The following GRM7 variants were observed in gnomAD, a reference collection of about 807,000 sequenced individuals.
The protein encoded by GRM7 is metabotropic glutamate receptor 7.
Under a neutral mutation model 84.5 loss-of-function variants are expected in GRM7, and 35 were observed. That is an observed-to-expected ratio of 0.41 (90% CI 0.32 to 0.55). The LOEUF (loss-of-function observed/expected upper bound fraction) is 0.55, where lower values mean the gene tolerates loss of function less well. GRM7 is among the 20% of genes least tolerant of loss of function. The pLI is 0.19. For missense variants in GRM7, 1,003 were observed against 1,194.6 expected (o/e 0.84, Z 2.36); for synonymous variants, 487 against 455.1 (o/e 1.07, Z -0.89).
chr3:7,585,733 A>G (rs1248723385), intron 8 of GRM7, among the ~76,000 whole-genome samples: 4 of 152,138 alleles, frequency 2.6e-5, no homozygotes, highest in Non-Finnish European at 4.4e-5. Context: ...ACAGGGACCC[A>G]GGCCTCAAAC....
intron 7 of GRM7, among the ~76,000 whole-genome samples, chr3:7,538,094 C>G (rs1046621594): frequency 6.6e-6 from 1 of 152,012 alleles, no homozygotes; most frequent in Non-Finnish European, 1.5e-5. Flanking sequence ...TAGGTTGTTA[C>G]TGCATTTTAT....
chr3:7,385,729 T>A (rs1327992018), intron 4 of GRM7, among the ~76,000 whole-genome samples: 1 of 152,230 alleles, frequency 6.6e-6, no homozygotes, highest in Non-Finnish European at 1.5e-5. Context: ...TTGAGAATAC[T>A]CTTCCATGTG....
At chr3:7,104,178 G>T (rs1016302461) in intron 1 of GRM7, among the ~76,000 whole-genome samples, 3 of 151,408 alleles carry the variant, frequency 2.0e-5, no homozygotes, top group Non-Finnish European at 4.4e-5. Context: ...TTCATGTGAG[G>T]ACACACTAAG....
intron 9 of GRM7, among the ~76,000 whole-genome samples, chr3:7,708,672 G>C (rs1559499801): frequency 6.6e-6 from 1 of 152,098 alleles, no homozygotes; most frequent in Non-Finnish European, 1.5e-5. Flanking sequence ...GAAAGAGTTT[G>C]AAGGCAGTAG....
rs1411390090 is a variant in GRM7, at chr3:6,968,518, G to A, written c.519+106611G>A. Among the ~76,000 whole-genome samples the A allele has an allele frequency of 2.6e-5, 4 of 152,256 alleles. No homozygotes were observed. The East Asian group carries it at 7.7e-4, about 29-fold the overall frequency. On this transcript the variant is annotated intron_variant, in intron 1 of 9. Coordinates refer to ENST00000357716, the MANE Select transcript of GRM7 (RefSeq NM_000844.4). Reference sequence around the variant, plus strand: ...ATAATCGCACTTCTTTCATTTTATTGAGAGAATGAAGTGGGATCATTTACT... The same window carrying A: ...ATAATCGCACTTCTTTCATTTTATTAAGAGAATGAAGTGGGATCATTTACT...
intron 4 of GRM7, among the ~76,000 whole-genome samples, chr3:7,321,654 A>T (rs184643125): frequency 2.6e-5 from 4 of 151,864 alleles, no homozygotes; most frequent in African/African-American, 7.3e-5. Context: ...TCCTAAAGTC[A>T]ATCACTCTGA....
chr3:7,617,514 T>A (rs1010591059), intron 8 of GRM7, among the ~76,000 whole-genome samples: 1 of 151,982 alleles, frequency 6.6e-6, no homozygotes, highest in Non-Finnish European at 1.5e-5. Flanking sequence ...AGAAGAACTT[T>A]CTAAGTAAAA....
At chr3:7,219,435 G>C (rs77730457) in intron 2 of GRM7, among the ~76,000 whole-genome samples, 3,205 of 152,220 alleles carry the variant, frequency 0.021, 112 homozygotes, top group African/African-American at 0.072. Context: ...ACAGTGAATA[G>C]CCTTGTATAT....
Position 7,358,490 on chromosome 3 carries a change from G to T in GRM7, c.1033+51838G>T, listed in dbSNP as rs1693509296. Among the ~76,000 whole-genome samples, 2 of 148,334 alleles carry T rather than the reference G, an allele frequency of 1.3e-5. 1 individual carries two copies. Among genetic ancestry groups the T allele is most frequent in the African/African-American group, 5.1e-5 (2 of 39,140 alleles). ...AATGTTAAAATGTCCTGCATTAAAA[G>T]TATCCCATGGCCAAATATATTTGGA... On this transcript the variant is annotated intron_variant, in intron 4 of 9. Transcript: ENST00000357716.
intron 9 of GRM7, among the ~76,000 whole-genome samples, chr3:7,685,483 C>CA (rs1700544927): frequency 1.3e-5 from 2 of 151,972 alleles, no homozygotes; most frequent in Admixed American, 1.3e-4. Flanking sequence ...GGGACACACC[C>CA]TTTTTTTTGG....
chr3:6,985,576 G>C (rs1694378375), intron 1 of GRM7, among the ~76,000 whole-genome samples: 1 of 152,198 alleles, frequency 6.6e-6, no homozygotes, highest in East Asian at 1.9e-4. Flanking sequence ...TTGTGTTATA[G>C]ATGGAGAAAC....
chr3:6,883,533 T>C (rs1185477392), intron 1 of GRM7, among the ~76,000 whole-genome samples: 1 of 152,186 alleles, frequency 6.6e-6, no homozygotes, highest in African/African-American at 2.4e-5. Flanking sequence ...GATTATAGCC[T>C]CTATGAAACT....
chr3:6,940,312 G>A (rs553407162), intron 1 of GRM7, among the ~76,000 whole-genome samples: 113 of 152,186 alleles, frequency 7.4e-4, no homozygotes, highest in Non-Finnish European at 1.2e-3. Flanking sequence ...GGATGGTCTC[G>A]ATCTCTTGAC....
chr3:7,280,728 C>T (rs116572966), intron 2 of GRM7, among the ~76,000 whole-genome samples: 2,601 of 152,294 alleles, frequency 0.017, 75 homozygotes, highest in African/African-American at 0.059. Flanking sequence ...ACTATACACG[C>T]GTGATCCTGT....
At chr3:7,513,720 A>C (rs944805297) in intron 7 of GRM7, among the ~76,000 whole-genome samples, 5 of 152,184 alleles carry the variant, frequency 3.3e-5, no homozygotes, top group African/African-American at 1.2e-4. Flanking sequence ...GTTTCCTGTA[A>C]ATATACATAA....
At chr3:7,731,105 T>C (rs1559510341) in intron 9 of GRM7, among the ~76,000 whole-genome samples, 1 of 151,470 alleles carries the variant, frequency 6.6e-6, no homozygotes, top group Non-Finnish European at 1.5e-5. Context: ...TAAGAGACAC[T>C]AGAACGTTCA....
chr3:6,919,323 T>A (rs1339759815), intron 1 of GRM7, among the ~76,000 whole-genome samples: 1 of 151,390 alleles, frequency 6.6e-6, no homozygotes, highest in African/African-American at 2.4e-5. Context: ...CCCAGCCGCC[T>A]AAGTAGCTGC....
chr3:6,902,792 A>AT (rs1356591797), intron 1 of GRM7, among the ~76,000 whole-genome samples: 10 of 151,852 alleles, frequency 6.6e-5, no homozygotes, highest in African/African-American at 1.9e-4. Flanking sequence ...TTAAGAGTGT[A>AT]GTAAGGTATA....
intron 2 of GRM7, among the ~76,000 whole-genome samples, chr3:7,269,670 C>A (rs1188073728): frequency 2.0e-5 from 3 of 152,208 alleles, no homozygotes; most frequent in African/African-American, 4.8e-5. Context: ...GAAGATTCTG[C>A]TCCTTCTAGT....
Sources: allele counts gnomAD v4.1 joint callset (sites outside exome capture counted in the v4.1 genomes callset), GRCh38; gene constraint gnomAD v4.1.1; transcripts MANE v1.5; gene names NCBI Gene and HGNC (gene_info 2026-07-23, HGNC 2026-07-21).